Variants in UGGT1 observed in about 807,000 individuals in gnomAD.
UGGT1 encodes the protein UDP-glucose glycoprotein glucosyltransferase 1.
In UGGT1, 107 loss-of-function variants were observed where a neutral mutation model predicts 203.9. That is an observed-to-expected ratio of 0.52 (90% CI 0.45 to 0.62). The LOEUF is 0.62. Ranked by LOEUF, UGGT1 falls within the 20% of genes least tolerant of loss-of-function variation. The pLI is 0.00. For missense variants in UGGT1, 1,673 were observed against 1,867.2 expected (o/e 0.90, Z 1.92); for synonymous variants, 628 against 653.5 (o/e 0.96, Z 0.59).
intron 11 of UGGT1, among the ~76,000 whole-genome samples, chr2:128,123,706 G>A (rs913598482): frequency 6.6e-6 from 1 of 152,092 alleles, no homozygotes; most frequent in African/African-American, 2.4e-5. Context: ...CTCAATATTG[G>A]ATGTTGTGGT....
intron 19 of UGGT1, among the ~76,000 whole-genome samples, 174 bp from the exon 20 acceptor site, chr2:128,155,315 A>G (rs1244754218): frequency 6.6e-6 from 1 of 152,194 alleles, no homozygotes; most frequent in African/African-American, 2.4e-5. Flanking sequence ...TTGATGTGTG[A>G]CTTCAGTAGG....
intron 19 of UGGT1, among the ~76,000 whole-genome samples, chr2:128,153,899 G>C (rs1690100661): frequency 6.6e-6 from 1 of 152,166 alleles, no homozygotes; most frequent in South Asian, 2.1e-4. Context: ...TCTCACTGGG[G>C]AAGGAAAGAT....
At chr2:128,142,313 T>A (rs893897717) in intron 16 of UGGT1, among the ~76,000 whole-genome samples, 71 of 150,898 alleles carry the variant, frequency 4.7e-4, no homozygotes, top group African/African-American at 1.6e-3. Flanking sequence ...CGGCCAGGTG[T>A]GGTGGCTCAT....
At position 128,159,070 on chromosome 2, in the gene UGGT1, A is replaced by G. The variant is rs529038558; in HGVS notation, c.2356-444A>G. Among the ~76,000 whole-genome samples the G allele has an allele frequency of 1.3e-4, 20 of 149,346 alleles. No individual in the cohort carries two copies. The South Asian group carries it at 1.5e-3, about 11-fold the overall frequency. On this transcript the variant is annotated intron_variant, in intron 22 of 40. Transcript: ENST00000259253. ...GATGGCATTTTTAATTTTATTTTGA[A>G]TGAGGAGGAGAACTATCTGAGACTT...
chr2:128,110,378 G>A (rs545733031), intron 5 of UGGT1, among the ~76,000 whole-genome samples: 5 of 152,278 alleles, frequency 3.3e-5, no homozygotes, highest in African/African-American at 1.2e-4. Flanking sequence ...CAGTTAGGTG[G>A]TGTAGGTCTT....
At chr2:128,092,091 C>T (rs578033634) in intron 1 of UGGT1, among the ~76,000 whole-genome samples, 9 of 152,160 alleles carry the variant, frequency 5.9e-5, no homozygotes, top group African/African-American at 1.9e-4. Flanking sequence ...GTTTTGGAAA[C>T]ATTCATTGAT....
In UGGT1 at chr2:128,091,607, C is replaced by T. The variant is rs534879958; in HGVS notation, c.58+192C>T. ...GGTCTTCTTGGCAAGGTATCGCTTC[C>T]GCGGGGGTGGCGGCGGGCTCTGTTC... On this transcript the variant is annotated intron_variant, in intron 1 of 40. Transcript: ENST00000259253. 2.1e-3 allele frequency: 3,028 copies of T among 1,435,080 alleles called. 25 individuals are homozygous for T. The highest frequency in any genetic ancestry group is 2.2e-3 in the Non-Finnish European group (2,384 of 1,090,644). The allele number at this position is 1,435,080 out of a possible 1,614,324, so 88.9% of individuals were successfully genotyped here. A position where few individuals can be genotyped will look rare whatever the true frequency, so the allele number is the denominator to read the frequency against.
chr2:128,111,649 C>T (rs1687856010), intron 5 of UGGT1, among the ~76,000 whole-genome samples: 1 of 151,984 alleles, frequency 6.6e-6, no homozygotes, highest in Non-Finnish European at 1.5e-5. Context: ...GCACCCACCA[C>T]CATGCCCGGC....
chr2:128,096,983 T>A (rs1573484965), intron 1 of UGGT1, among the ~76,000 whole-genome samples: 1 of 152,242 alleles, frequency 6.6e-6, no homozygotes, highest in East Asian at 1.9e-4. Context: ...TAAGTGCTAT[T>A]ATATGTCAGA....
chr2:128,191,556 A>G lies in UGGT1; in HGVS notation c.*1814A>G, dbSNP rs1692267929. On this transcript the variant is annotated 3_prime_UTR_variant, in exon 41 of 41. Transcript: ENST00000259253. ...GAGCAGCTGGAAAGATGGGATCAGTAAGATTAAAAAACTTTTGTTCGGCCA... is the reference window on the plus strand; with the variant it reads ...GAGCAGCTGGAAAGATGGGATCAGTGAGATTAAAAAACTTTTGTTCGGCCA... 6.6e-6 allele frequency: 1 copy of G among 152,330 alleles called. No homozygotes were observed. The highest frequency in any genetic ancestry group is 2.1e-4 in the South Asian group (1 of 4,828). The allele number at this position is 152,330 out of a possible 1,614,324, so 9.4% of individuals were successfully genotyped here. A position where few individuals can be genotyped will look rare whatever the true frequency, so the allele number is the denominator to read the frequency against.
At chr2:128,183,339 A>G (rs1004543053) in intron 37 of UGGT1, among the ~76,000 whole-genome samples, 2 of 152,218 alleles carry the variant, frequency 1.3e-5, no homozygotes, top group Admixed American at 1.3e-4. Context: ...CCCCTGTAAC[A>G]TTGAAGACAT....
At chr2:128,112,296 C>T (rs1404272093) in intron 5 of UGGT1, among the ~76,000 whole-genome samples, 1 of 149,292 alleles carries the variant, frequency 6.7e-6, no homozygotes, top group Non-Finnish European at 1.5e-5. Context: ...TGGTGGATGC[C>T]TGTAATCCCA....
intron 29 of UGGT1, 30 bp downstream of exon 29, chr2:128,172,792 C>A: frequency 6.3e-7 from 1 of 1,589,968 alleles, no homozygotes; most frequent in South Asian, 1.1e-5. Flanking sequence ...TTCCAAATAC[C>A]TAATCATGTA....
chr2:128,189,910 G>A lies in UGGT1; in HGVS notation c.*168G>A, dbSNP rs145544143. 3.9e-4 allele frequency: 253 copies of A among 648,622 alleles called. 3 individuals carry two copies. The highest frequency in any genetic ancestry group is 7.5e-4 in the East Asian group (27 of 35,762). 40.2% of individuals were successfully genotyped at this position (648,622 alleles called of 1,614,324 possible). A position where few individuals can be genotyped will look rare whatever the true frequency, so the allele number is the denominator to read the frequency against. On this transcript the variant is annotated 3_prime_UTR_variant, in exon 41 of 41. Transcript: ENST00000259253. ...GACTTCTGTACTCTGGTGGCCACTG[G>A]ATCTTTGGGATTAAAGCTCTGTTGG...
chr2:128,093,691 A>G (rs1486466223), intron 1 of UGGT1, among the ~76,000 whole-genome samples: 3 of 152,240 alleles, frequency 2.0e-5, no homozygotes, highest in Admixed American at 6.5e-5. Context: ...TTGTAAAGCC[A>G]GAGAACCAGA....
rs550332419 is a variant in UGGT1, at chr2:128,152,634, A to G, written c.2017-150A>G. 128 of 1,056,276 alleles carry G rather than the reference A, an allele frequency of 1.2e-4. No individual in the cohort carries two copies. The African/African-American group carries it at 1.9e-3, about 15-fold the overall frequency. The allele number at this position is 1,056,276 out of a possible 1,614,324, so 65.4% of individuals were successfully genotyped here. ...GTGCCCAGGTATACTCGGCAGTGAC[A>G]GGGACCAATAACATAGTAACTTCTG... is the stretch of plus-strand genomic sequence containing the variant. On this transcript the variant is annotated intron_variant, in intron 18 of 40. Coordinates refer to ENST00000259253, the MANE Select transcript of UGGT1 (RefSeq NM_020120.4).
chr2:128,179,771 G>A lies in UGGT1; in HGVS notation c.3816-15G>A, dbSNP rs1355639889. 3 of 1,606,030 alleles carry A rather than the reference G, an allele frequency of 1.9e-6. No individual in the cohort carries two copies. The highest frequency in any genetic ancestry group is 3.4e-5 in the Admixed American group (2 of 58,484). On this transcript the variant is annotated splice_polypyrimidine_tract_variant and intron_variant, in intron 34 of 40. Transcript: ENST00000259253. ...ATTGGAAAGCTGTTATTAATTACCT[G>A]CTTTTGTTTGGCAGCATAATGATGC...
chr2:128,182,055 C>T, intron 36 of UGGT1, 75 bp from the exon 37 acceptor site: 2 of 1,476,180 alleles, frequency 1.4e-6, no homozygotes, highest in Non-Finnish European at 1.8e-6. Context: ...TTAAGCGAGC[C>T]ACTCTGTATC....
intron 32 of UGGT1, among the ~76,000 whole-genome samples, chr2:128,177,492 A>G (rs898304631): frequency 6.6e-6 from 1 of 152,182 alleles, no homozygotes; most frequent in Non-Finnish European, 1.5e-5. Flanking sequence ...AGCCCCCAGC[A>G]GCCACACTCT....
Sources: gnomAD v4.1 joint callset for allele counts (sites outside exome capture counted in the v4.1 genomes callset) on GRCh38, gnomAD v4.1.1 for gene constraint, MANE v1.5 for transcripts, NCBI Gene and HGNC (gene_info 2026-07-23, HGNC 2026-07-21) for gene names.